Variants in ZNF787 observed in about 807,000 individuals in gnomAD.
ZNF787 encodes TTF-I-interacting peptide 20.
Under a neutral mutation model 16.9 loss-of-function variants are expected in ZNF787, and 7 were observed. That is an observed-to-expected ratio of 0.42 (90% CI 0.24 to 0.78). The LOEUF (loss-of-function observed/expected upper bound fraction) is 0.78, where lower values mean the gene tolerates loss of function less well. ZNF787 is among the 30% of genes least tolerant of loss of function. ZNF787 has a pLI of 0.30. For missense variants in ZNF787, 551 were observed against 589.3 expected (o/e 0.94, Z 0.67); for synonymous variants, 345 against 270.9 (o/e 1.27, Z -2.69).
At chr19:56,112,142 T>G (rs572424909) in intron 1 of ZNF787, among the ~76,000 whole-genome samples, 155 of 152,186 alleles carry the variant, frequency 1.0e-3, no homozygotes, top group African/African-American at 3.5e-3. Flanking sequence ...CACCAGGAGC[T>G]GCGGGGGCCT....
chr19:56,096,581 C>T (rs1218393449), intron 2 of ZNF787, among the ~76,000 whole-genome samples: 10 of 152,042 alleles, frequency 6.6e-5, no homozygotes, highest in African/African-American at 2.4e-4. Flanking sequence ...GGCATGGTGG[C>T]GGGTGCCTGT....
At chr19:56,099,630 G>A (rs1456490564) in intron 2 of ZNF787, among the ~76,000 whole-genome samples, 2 of 148,054 alleles carry the variant, frequency 1.4e-5, no homozygotes, top group African/African-American at 2.5e-5. Flanking sequence ...AGAATCGCTT[G>A]AACCTGGGAG....
intron 1 of ZNF787, among the ~76,000 whole-genome samples, chr19:56,107,442 AAGGGTCACTGGGAGAAACG>A (rs1214482600): frequency 2.7e-5 from 4 of 147,784 alleles, no homozygotes; most frequent in African/African-American, 7.5e-5. Flanking sequence ...CAGAAGACAT[AAGGGTCACTGGGAGAAACG>A]AGGGTCACCG....
intron 2 of ZNF787, among the ~76,000 whole-genome samples, chr19:56,095,560 C>T (rs560680055): frequency 6.6e-6 from 1 of 152,326 alleles, no homozygotes; most frequent in East Asian, 1.9e-4. Context: ...AACCAGCCTG[C>T]ACAGATGCAC....
At position 56,088,077 on chromosome 19, in the gene ZNF787, G is replaced by A. The variant is rs534882096; in HGVS notation, c.1095C>T (p.Asp365=). Residue 365 remains aspartate (D), a synonymous_variant, in exon 3 of 3, where the codon GAC becomes GAT. Transcript: ENST00000610935. The surrounding 1 kb of genome is among the most constrained non-coding windows in gnomAD (Gnocchi z 8.6). The part of the protein sequence containing the change: ...YRAGGEEEDD[D]DEAAGGRCPE... Reference sequence around the variant, plus strand: ...GGCACCGCCCGCCCGCGGCCTCGTCGTCGTCGTCCTCCTCCTCCCCGCCCG... The same window carrying A: ...GGCACCGCCCGCCCGCGGCCTCGTCATCGTCGTCCTCCTCCTCCCCGCCCG... The A allele has an allele frequency of 1.4e-4, 212 of 1,473,188 alleles. 6 individuals are homozygous for A. In the South Asian group the frequency reaches 2.6e-3, roughly 18 times the overall value. 91.3% of individuals were successfully genotyped at this position (1,473,188 alleles called of 1,614,324 possible). A position where few individuals can be genotyped will look rare whatever the true frequency, so the allele number is the denominator to read the frequency against.
chr19:56,098,787 T>A (rs1466266725), intron 2 of ZNF787, among the ~76,000 whole-genome samples: 1 of 110,210 alleles, frequency 9.1e-6, no homozygotes, highest in Non-Finnish European at 1.9e-5. Flanking sequence ...GGCCACCGGG[T>A]GATTACGGCC....
At position 56,088,505 on chromosome 19, in the gene ZNF787, G is replaced by A. The variant is rs990284470; in HGVS notation, c.667C>T (p.Pro223Ser). 3 of 1,406,990 alleles carry A rather than the reference G, an allele frequency of 2.1e-6. No homozygotes were observed. Among genetic ancestry groups the A allele is most frequent in the African/African-American group, 1.5e-5 (1 of 65,376 alleles). The allele number at this position is 1,406,990 out of a possible 1,614,324, so 87.2% of individuals were successfully genotyped here. The change falls in exon 3 of 3, where the codon CCC (proline) becomes TCC (serine). Residue 223 changes from proline (P) to serine (S), a missense_variant. Physicochemically the swap from Pro to Ser is moderately conservative, Grantham distance 74. This residue lies in a region of ZNF787 where 392 missense variants were observed against 312.7 expected (regional missense o/e 1.25). Transcript: ENST00000610935. The surrounding 1 kb of genome is among the most constrained non-coding windows in gnomAD (Gnocchi z 8.6). ...LAASVRRAKG[P>S]EEAVAADGEI... is the part of the protein sequence containing the mutation. ...CCGTCCGCCGCCACCGCCTCTTCGG[G>A]CCCCTTGGCCCGCCGGACGCTAGCC...
At chr19:56,112,864 C>T (rs1267697808) in intron 1 of ZNF787, among the ~76,000 whole-genome samples, 2 of 151,546 alleles carry the variant, frequency 1.3e-5, no homozygotes, top group Non-Finnish European at 2.9e-5. Context: ...CTCTGGGGTG[C>T]CCAGACCAGC....
In ZNF787 at chr19:56,088,591, G is replaced by T. The variant is rs754891408; in HGVS notation, c.581C>A (p.Ala194Glu). The T allele has an allele frequency of 1.3e-6, 2 of 1,514,418 alleles. No homozygotes were observed. The highest frequency in any genetic ancestry group is 1.2e-5 in the South Asian group (1 of 81,760). The allele number at this position is 1,514,418 out of a possible 1,614,324, so 93.8% of individuals were successfully genotyped here. ...CTCCGGGTGCAGCCGCAGGTGACGCGCGAGGCTCTTGGGCTGGCTGAAGCC... is the reference window on the plus strand; with the variant it reads ...CTCCGGGTGCAGCCGCAGGTGACGCTCGAGGCTCTTGGGCTGGCTGAAGCC... ...GRGFSQPKSLARHLRLHPELS... is the reference protein window; with the variant it reads ...GRGFSQPKSLERHLRLHPELS... Residue 194 changes from alanine (A) to glutamate (E), a missense_variant, in exon 3 of 3, where the codon GCG becomes GAG. By Grantham distance (107) the Ala-to-Glu change is moderately radical (BLOSUM62 -1). Transcript: ENST00000610935. This position sits in a 1 kb window ranked among gnomAD's most constrained non-coding sequence, Gnocchi z 8.6.
At chr19:56,094,908 C>T (rs140221727) in intron 2 of ZNF787, among the ~76,000 whole-genome samples, 3 of 152,056 alleles carry the variant, frequency 2.0e-5, no homozygotes, top group East Asian at 1.9e-4. Flanking sequence ...GTCAGGAGTT[C>T]GAGACCAGCC....
At chr19:56,106,571 C>A (rs1207941280) in intron 1 of ZNF787, among the ~76,000 whole-genome samples, 1 of 152,248 alleles carries the variant, frequency 6.6e-6, no homozygotes, top group African/African-American at 2.4e-5. Context: ...ATGCTCCGGC[C>A]GTCTGGCCCC....
intron 2 of ZNF787, among the ~76,000 whole-genome samples, chr19:56,092,812 G>A (rs1039506839): frequency 3.3e-5 from 5 of 152,002 alleles, no homozygotes; most frequent in Middle Eastern, 3.4e-3. Context: ...AGACGCAGGG[G>A]GTGGCGGAAG....
chr19:56,102,002 A>G (rs1023338017), intron 2 of ZNF787: 1 of 152,178 alleles, frequency 6.6e-6, no homozygotes, highest in African/African-American at 2.4e-5. Context: ...AACCCCCATC[A>G]TAGTTTCTAC....
intron 2 of ZNF787, among the ~76,000 whole-genome samples, chr19:56,098,386 C>G (rs561808347): frequency 3.3e-5 from 5 of 152,346 alleles, no homozygotes; most frequent in African/African-American, 9.6e-5. Flanking sequence ...GAAGGAGAGG[C>G]CCAAAGACAG....
At chr19:56,100,931 C>T (rs11667190) in intron 2 of ZNF787, among the ~76,000 whole-genome samples, 4,611 of 136,344 alleles carry the variant, frequency 0.034, 535 homozygotes, top group Non-Finnish European at 0.055. Context: ...TCCACCCCCA[C>T]GAACGATGTC....
At chr19:56,098,441 C>G in intron 2 of ZNF787, among the ~76,000 whole-genome samples, 1 of 151,944 alleles carries the variant, frequency 6.6e-6, no homozygotes, top group East Asian at 1.9e-4. Context: ...AATACGGCCG[C>G]AGGGTGATAC....
At position 56,088,250 on chromosome 19, in the gene ZNF787, C is replaced by T. The variant is rs1221506035; in HGVS notation, c.922G>A (p.Gly308Arg). 4 of 1,465,566 alleles carry T rather than the reference C, an allele frequency of 2.7e-6. No homozygotes were observed. The highest frequency in any genetic ancestry group is 4.7e-5 in the Admixed American group (2 of 42,850). 90.8% of individuals were successfully genotyped at this position (1,465,566 alleles called of 1,614,324 possible). A position where few individuals can be genotyped will look rare whatever the true frequency, so the allele number is the denominator to read the frequency against. The change falls in exon 3 of 3, where the codon GGG becomes AGG. Residue 308 changes from glycine to arginine, a missense_variant. Around this residue, in one of 4 missense-constraint regions of ZNF787, gnomAD observed 392 missense variants for 312.7 expected, o/e 1.25. Coordinates refer to ENST00000610935, the MANE Select transcript of ZNF787 (RefSeq NM_001002836.4). The surrounding 1 kb of genome is among the most constrained non-coding windows in gnomAD (Gnocchi z 8.6). ...GCCGGCTCCTCGCCCCCCGCCGCCC[C>T]GAGCCCGTCCCCGTGCTGGGCCCGC... ...HQRAQHGDGLGAAGGEEPAHI... is the reference protein window; with the variant it reads ...HQRAQHGDGLRAAGGEEPAHI...
chr19:56,115,398 G>A (rs1192364539), intron 1 of ZNF787, among the ~76,000 whole-genome samples: 6 of 130,966 alleles, frequency 4.6e-5, no homozygotes, highest in Non-Finnish European at 3.1e-5. Context: ...TTGCTCTGTC[G>A]CCCAGGCTGG....
intron 2 of ZNF787, among the ~76,000 whole-genome samples, chr19:56,097,634 G>C (rs946411102): frequency 8.5e-5 from 13 of 152,230 alleles, no homozygotes; most frequent in Non-Finnish European, 1.9e-4. Flanking sequence ...CTTTTATTTT[G>C]GTCTCCTATA....
Sources: allele counts gnomAD v4.1 joint callset (sites outside exome capture counted in the v4.1 genomes callset), GRCh38; gene constraint gnomAD v4.1.1; regional missense constraint gnomAD v4.1.1; non-coding constraint Gnocchi (gnomAD v3.1); transcripts MANE v1.5; gene names NCBI Gene and HGNC (gene_info 2026-07-23, HGNC 2026-07-21).